Variants in CFAP20DC observed in about 807,000 individuals in gnomAD.
CFAP20DC encodes CFAP20 domain containing, also known as protein CFAP20DC.
Under a neutral mutation model 101.7 loss-of-function variants are expected in CFAP20DC, and 84 were observed. The ratio of observed to expected loss-of-function variants is 0.83; its 90% CI spans 0.69 to 0.99. The LOEUF (loss-of-function observed/expected upper bound fraction) is 0.99. CFAP20DC is among the 50% of genes least tolerant of loss of function. The probability of loss-of-function intolerance (pLI) is 0.00; values close to 1 mark genes in which losing one functional copy is unlikely to be tolerated. For synonymous variants in CFAP20DC, 359 were observed against 351.2 expected, an observed-to-expected ratio of 1.02 and a Z score of -0.25; for missense variants, 1,007 against 970.3, an observed-to-expected ratio of 1.04 and a Z score of -0.50.
At chr3:59,036,403 G>A (rs1016266922) in intron 4 of CFAP20DC, among the ~76,000 whole-genome samples, 4 of 152,096 alleles carry the variant, frequency 2.6e-5, no homozygotes, top group African/African-American at 7.2e-5. Flanking sequence ...AAACCCCATC[G>A]TCTCAGCCCA....
chr3:58,829,372 C>A (rs2076248056), intron 14 of CFAP20DC, among the ~76,000 whole-genome samples: 2 of 149,378 alleles, frequency 1.3e-5, no homozygotes. Flanking sequence ...GTTATGAATT[C>A]TTTTATTTCT....
intron 14 of CFAP20DC, among the ~76,000 whole-genome samples, chr3:58,830,073 T>A (rs2076293990): frequency 6.6e-6 from 1 of 152,196 alleles, no homozygotes; most frequent in Non-Finnish European, 1.5e-5. Context: ...CAGATATTTT[T>A]CTGGGTGCGT....
chr3:58,743,625 G>A (rs1288562125), intron 16 of CFAP20DC, among the ~76,000 whole-genome samples: 2 of 152,128 alleles, frequency 1.3e-5, no homozygotes, highest in African/African-American at 2.4e-5. Flanking sequence ...TATGGTGCAG[G>A]GCTCACTCAT....
At chr3:58,924,079 A>T (rs1023463749) in intron 5 of CFAP20DC, among the ~76,000 whole-genome samples, 2 of 152,148 alleles carry the variant, frequency 1.3e-5, no homozygotes, top group African/African-American at 4.8e-5. Context: ...CTAGAATGCA[A>T]AAAATTTTTT....
intron 14 of CFAP20DC, among the ~76,000 whole-genome samples, chr3:58,818,015 C>G (rs1163322781): frequency 6.7e-6 from 1 of 150,158 alleles, no homozygotes; most frequent in Non-Finnish European, 1.5e-5. Context: ...AATTTTCAAC[C>G]CAGAATTTCA....
At position 58,811,724 on chromosome 3, in the gene CFAP20DC, G is replaced by C. The variant is rs189211630; in HGVS notation, c.2176-5268C>G. Among the ~76,000 whole-genome samples, 172 of 152,176 alleles carry C rather than the reference G, an allele frequency of 1.1e-3. 2 individuals carry two copies. Among genetic ancestry groups the C allele is most frequent in the Non-Finnish European group, 8.1e-4 (55 of 68,022 alleles). ...ACAAATGGGATCTAATTAAACTAAA[G>C]AGCTTCTGCATAGCAAAAGAAACTA... On this transcript the variant is annotated intron_variant, in intron 14 of 16. Transcript: ENST00000482387.
At position 58,913,658 on chromosome 3, in the gene CFAP20DC, T is replaced by C. The variant is rs1221425844; in HGVS notation, c.550+50A>G. 6.3e-7 allele frequency: 1 copy of C among 1,588,474 alleles called. No individual in the cohort carries two copies. The highest frequency in any genetic ancestry group is 1.3e-5 in the African/African-American group (1 of 74,252). On this transcript the variant is annotated intron_variant, in intron 6 of 16. Transcript: ENST00000482387. This position sits in a 1 kb window ranked among gnomAD's most constrained non-coding sequence, Gnocchi z 4.4. ...TACTATCCCAAAGGTATGGCTAATT[T>C]TAAAAATACATCAGAGAATTAAAAA...
chr3:58,937,947 C>G (rs1256345674), intron 4 of CFAP20DC, among the ~76,000 whole-genome samples, 185 bp from the exon 5 acceptor site: 1 of 152,162 alleles, frequency 6.6e-6, no homozygotes, highest in African/African-American at 2.4e-5. Flanking sequence ...ATTCAAAGTG[C>G]TCAGAAGCCT....
At chr3:58,984,995 G>C (rs1175148906) in intron 4 of CFAP20DC, among the ~76,000 whole-genome samples, 1 of 152,092 alleles carries the variant, frequency 6.6e-6, no homozygotes, top group Non-Finnish European at 1.5e-5. Flanking sequence ...TGACGTCCTG[G>C]GCTCAAGTGA....
chr3:59,019,561 T>C (rs1387505154), intron 4 of CFAP20DC, among the ~76,000 whole-genome samples: 1 of 151,920 alleles, frequency 6.6e-6, no homozygotes, highest in Non-Finnish European at 1.5e-5. Flanking sequence ...TGCAATGAAT[T>C]GTAATATGAA....
At chr3:58,770,309 TTAG>T (rs2070723851) in intron 15 of CFAP20DC, among the ~76,000 whole-genome samples, 1 of 152,200 alleles carries the variant, frequency 6.6e-6, no homozygotes, top group Non-Finnish European at 1.5e-5. Flanking sequence ...AATTTTACAC[TTAG>T]TAGATGTTTA....
chr3:58,822,768 T>C (rs1167024439), intron 14 of CFAP20DC, among the ~76,000 whole-genome samples: 2 of 152,146 alleles, frequency 1.3e-5, no homozygotes, highest in South Asian at 2.1e-4. Flanking sequence ...CAAATGGATA[T>C]TGATGGAGTT....
At chr3:58,984,236 T>A (rs1461525720) in intron 4 of CFAP20DC, among the ~76,000 whole-genome samples, 3 of 152,180 alleles carry the variant, frequency 2.0e-5, no homozygotes, top group African/African-American at 7.2e-5. Context: ...CTGCAGTAAA[T>A]CATCAATAAT....
In CFAP20DC at chr3:58,758,551, A is replaced by C. The variant is rs533474434; in HGVS notation, c.2238-4688T>G. On this transcript the variant is annotated intron_variant, in intron 15 of 16. Transcript: ENST00000482387. ...ATAATCCTTATTTATTTATTTATTT[A>C]TTATACTTTAAGTTTTAGGGTACAT... Among the ~76,000 whole-genome samples the C allele has an allele frequency of 1.1e-4, 16 of 152,050 alleles. No homozygotes were observed. In the South Asian group the frequency reaches 1.9e-3, roughly 18 times the overall value.
At chr3:58,950,254 T>C (rs1358648611) in intron 4 of CFAP20DC, among the ~76,000 whole-genome samples, 1 of 151,966 alleles carries the variant, frequency 6.6e-6, no homozygotes, top group African/African-American at 2.4e-5. Context: ...CTCAACAAAA[T>C]AAAAGAGGAT....
At chr3:58,780,308 G>A (rs969691351) in intron 15 of CFAP20DC, among the ~76,000 whole-genome samples, 1 of 151,950 alleles carries the variant, frequency 6.6e-6, no homozygotes. Flanking sequence ...AACAAACAAA[G>A]AAGATAAAAT....
intron 4 of CFAP20DC, among the ~76,000 whole-genome samples, chr3:59,021,873 T>C (rs980646145): frequency 2.6e-5 from 4 of 152,112 alleles, no homozygotes; most frequent in African/African-American, 7.2e-5. Context: ...GGACCAACTT[T>C]TGCAGTTGGG....
intron 4 of CFAP20DC, among the ~76,000 whole-genome samples, chr3:58,952,521 C>G (rs962662792): frequency 1.3e-5 from 2 of 151,922 alleles, no homozygotes; most frequent in Non-Finnish European, 2.9e-5. Flanking sequence ...TTCATTGAAC[C>G]CTGTGGAATT....
At chr3:58,903,559 G>C (rs142261547) in intron 6 of CFAP20DC, among the ~76,000 whole-genome samples, 340 of 152,244 alleles carry the variant, frequency 2.2e-3, no homozygotes, top group African/African-American at 7.9e-3. Context: ...CAAGGCCTCA[G>C]GAAACTTACA....
Sources: allele counts gnomAD v4.1 joint callset (sites outside exome capture counted in the v4.1 genomes callset), GRCh38; gene constraint gnomAD v4.1.1; non-coding constraint Gnocchi (gnomAD v3.1); transcripts MANE v1.5; gene names NCBI Gene and HGNC (gene_info 2026-07-23, HGNC 2026-07-21).